The following NALF1 variants were observed in gnomAD, a reference collection of about 807,000 sequenced individuals.
NALF1 encodes the protein NALCN channel auxiliary factor 1.
NALF1 carries 3 observed loss-of-function variants against 48.4 expected under a neutral mutation model. That is an observed-to-expected ratio of 0.06 (90% confidence interval 0.03 to 0.16). The LOEUF (loss-of-function observed/expected upper bound fraction) is 0.16, where lower values mean the gene tolerates loss of function less well. Among genes scored for constraint, NALF1 ranks in the 10% least tolerant of loss-of-function variants. NALF1 has a pLI of 1.00. For missense variants in NALF1, 526 were observed against 571.5 expected, an observed-to-expected ratio of 0.92 and a Z score of 0.81; for synonymous variants, 262 against 245.7, an observed-to-expected ratio of 1.07 and a Z score of -0.62.
chr13:107,187,671 C>T (rs913235404), intron 2 of NALF1, among the ~76,000 whole-genome samples: 13 of 152,160 alleles, frequency 8.5e-5, no homozygotes, highest in Non-Finnish European at 1.3e-4. Flanking sequence ...GCCTGCTTAT[C>T]ATTTTAATCT....
chr13:107,476,721 T>C (rs1244682271), intron 1 of NALF1, among the ~76,000 whole-genome samples: 1 of 152,068 alleles, frequency 6.6e-6, no homozygotes, highest in Non-Finnish European at 1.5e-5. Context: ...TTTAATATCA[T>C]AAGGTTGTGA....
chr13:107,357,823 G>A (rs139233128), intron 1 of NALF1, among the ~76,000 whole-genome samples: 6 of 152,212 alleles, frequency 3.9e-5, no homozygotes, highest in Admixed American at 6.5e-5. Flanking sequence ...AATTAGAGAC[G>A]TTAGTTTAAT....
At chr13:107,510,186 G>C (rs1875839394) in intron 1 of NALF1, among the ~76,000 whole-genome samples, 1 of 152,138 alleles carries the variant, frequency 6.6e-6, no homozygotes, top group Non-Finnish European at 1.5e-5. Flanking sequence ...ATATGTTTGT[G>C]ATGATCATAT....
At chr13:107,568,464 C>T (rs1052267774) in intron 1 of NALF1, among the ~76,000 whole-genome samples, 7 of 152,128 alleles carry the variant, frequency 4.6e-5, no homozygotes, top group Non-Finnish European at 7.3e-5. Context: ...GGAATGTGTG[C>T]CTCAGAGTGC....
chr13:107,657,004 G>A (rs950584283), intron 1 of NALF1, among the ~76,000 whole-genome samples: 2 of 151,980 alleles, frequency 1.3e-5, no homozygotes, highest in African/African-American at 4.8e-5. Context: ...GGACTGTGTG[G>A]GGGTGTGGGG....
At chr13:107,662,080 T>C (rs1880746809) in intron 1 of NALF1, among the ~76,000 whole-genome samples, 1 of 152,238 alleles carries the variant, frequency 6.6e-6, no homozygotes. Flanking sequence ...GAAAAAGCTC[T>C]ATTTTCCCAT....
intron 1 of NALF1, among the ~76,000 whole-genome samples, chr13:107,377,526 T>C (rs1339936725): frequency 6.6e-6 from 1 of 152,164 alleles, no homozygotes; most frequent in Non-Finnish European, 1.5e-5. Flanking sequence ...GGCTCACACC[T>C]GTAATCCCAG....
intron 1 of NALF1, among the ~76,000 whole-genome samples, chr13:107,658,244 C>G (rs1880635611): frequency 6.9e-6 from 1 of 144,742 alleles, no homozygotes; most frequent in Non-Finnish European, 1.6e-5. Flanking sequence ...CTTCAAAATT[C>G]TTATCTATCT....
chr13:107,401,273 T>C (rs753204774), intron 1 of NALF1, among the ~76,000 whole-genome samples: 7 of 152,226 alleles, frequency 4.6e-5, no homozygotes, highest in South Asian at 2.1e-4. Context: ...AGCGATCTGA[T>C]TGAAAAATGC....
In NALF1 at chr13:107,173,973, T is replaced by C. The variant is rs553037552; in HGVS notation, c.1088-3187A>G. Among the ~76,000 whole-genome samples, 5 of 152,330 alleles carry C rather than the reference T, an allele frequency of 3.3e-5. No homozygotes were observed. In the East Asian group the frequency reaches 5.8e-4, roughly 18 times the overall value. On this transcript the variant is annotated intron_variant, in intron 2 of 2. Coordinates refer to ENST00000375915, the MANE Select transcript of NALF1 (RefSeq NM_001080396.3). ...TTGGTGAGTTTTCACGTGACATAAT[T>C]TCACTGAATTTTGCTTTTTTCCCTA...
intron 1 of NALF1, among the ~76,000 whole-genome samples, chr13:107,467,941 G>A (rs964799680): frequency 2.6e-5 from 4 of 151,878 alleles, no homozygotes; most frequent in South Asian, 2.1e-4. Context: ...CCAGCTACTC[G>A]GGAGGCTGAG....
At chr13:107,292,992 C>CTTTTTCTCT (rs745529749) in intron 1 of NALF1, among the ~76,000 whole-genome samples, 1 of 110,678 alleles carries the variant, frequency 9.0e-6, no homozygotes, top group African/African-American at 3.3e-5. Flanking sequence ...TTTTCTTTTT[C>CTTTTTCTCT]TTTTTTTTTT....
At chr13:107,600,221 A>C (rs983610340) in intron 1 of NALF1, among the ~76,000 whole-genome samples, 17 of 152,198 alleles carry the variant, frequency 1.1e-4, no homozygotes, top group African/African-American at 3.4e-4. Context: ...TGCAGCAATA[A>C]AATTTCATTA....
At chr13:107,771,379 A>C (rs1877571692) in intron 1 of NALF1, among the ~76,000 whole-genome samples, 1 of 151,888 alleles carries the variant, frequency 6.6e-6, no homozygotes, top group Non-Finnish European at 1.5e-5. Flanking sequence ...CTTAATGGCT[A>C]TCAACTGGAT....
intron 1 of NALF1, among the ~76,000 whole-genome samples, chr13:107,294,936 G>A (rs2138886373): frequency 6.6e-6 from 1 of 152,238 alleles, no homozygotes; most frequent in South Asian, 2.1e-4. Context: ...TTCTCTCTGA[G>A]CTTCTGATGG....
intron 1 of NALF1, among the ~76,000 whole-genome samples, chr13:107,441,660 C>T (rs1242438240): frequency 6.6e-6 from 1 of 152,098 alleles, no homozygotes; most frequent in Non-Finnish European, 1.5e-5. Context: ...ACAGGGCACT[C>T]AGGAGGGAAT....
At chr13:107,596,891 T>C (rs1412711917) in intron 1 of NALF1, among the ~76,000 whole-genome samples, 1 of 152,176 alleles carries the variant, frequency 6.6e-6, no homozygotes. Context: ...GGCAGTATGC[T>C]CAATGTTATA....
At chr13:107,171,002 C>T (rs1225887636) in intron 2 of NALF1, among the ~76,000 whole-genome samples, 2 of 152,174 alleles carry the variant, frequency 1.3e-5, no homozygotes, top group African/African-American at 2.4e-5. Context: ...ATATTCCTGC[C>T]AGTCATACCA....
intron 1 of NALF1, among the ~76,000 whole-genome samples, chr13:107,627,916 T>TA (rs1180343191): frequency 3.3e-5 from 5 of 152,034 alleles, no homozygotes; most frequent in Non-Finnish European, 7.4e-5. Context: ...GCCTTGAAAC[T>TA]AAAAAAATAA....
Sources: allele counts gnomAD v4.1 joint callset (sites outside exome capture counted in the v4.1 genomes callset), GRCh38; gene constraint gnomAD v4.1.1; transcripts MANE v1.5; gene names NCBI Gene and HGNC (gene_info 2026-07-23, HGNC 2026-07-21).